DDX50: variants seen among roughly 807,000 people sequenced by gnomAD.
The protein encoded by DDX50 is ATP-dependent RNA helicase DDX50.
DDX50 carries 56 observed loss-of-function variants against 94.8 expected under a neutral mutation model. The observed-to-expected ratio is 0.59, with a 90% CI of 0.48 to 0.74. The LOEUF is 0.74. Ranked by LOEUF, DDX50 falls within the 30% of genes least tolerant of loss-of-function variation. The pLI is 0.00. For missense variants in DDX50, 713 were observed against 881.2 expected (o/e 0.81, Z 2.42); for synonymous variants, 264 against 295.4 (o/e 0.89, Z 1.09).
rs561921429 is a variant in DDX50, at chr10:68,939,974, C to T, written c.1756-1086C>T. Among the ~76,000 whole-genome samples the T allele has an allele frequency of 1.4e-4, 21 of 151,634 alleles. No homozygotes were observed. The South Asian group carries it at 3.5e-3, about 26-fold the overall frequency. ...TACAGTCTGTGGCACATACGTAGGG[C>T]GCACTCAATAAATATTTGTTTGCTG... On this transcript the variant is annotated intron_variant, in intron 12 of 14. Coordinates refer to ENST00000373585, the MANE Select transcript of DDX50 (RefSeq NM_024045.2).
rs762812089 is a variant in DDX50 at position 68,946,413 on chromosome 10, A to C, written c.1997A>C (p.Glu666Ala). Residue 666 changes from glutamate (E) to alanine (A), a missense_variant, in exon 15 of 15, where the codon GAA (glutamate) becomes GCA (alanine). Physicochemically the swap from Glu to Ala is moderately radical, Grantham distance 107. This residue lies in a region of DDX50 where 428 missense variants were observed against 602.3 expected (regional missense o/e 0.71). Coordinates refer to ENST00000373585, the MANE Select transcript of DDX50 (RefSeq NM_024045.2). ...SVPAKLPEIEEYYDGNTSSNS... is the reference protein window; with the variant it reads ...SVPAKLPEIEAYYDGNTSSNS... ...CCAGCCAAATTACCTGAAATTGAAG[A>C]ATATTATGATGGAAACACATCTTCT... is the stretch of plus-strand genomic sequence containing the variant. The C allele has an allele frequency of 1.9e-6, 3 of 1,614,230 alleles. No individual in the cohort carries two copies. The highest frequency in any genetic ancestry group is 2.5e-6 in the Non-Finnish European group (3 of 1,180,034).
At chr10:68,928,936 C>T (rs993135452) in intron 8 of DDX50, among the ~76,000 whole-genome samples, 1 of 151,982 alleles carries the variant, frequency 6.6e-6, no homozygotes, top group South Asian at 2.1e-4. Context: ...TTAAAGTGTC[C>T]CATTTATTTC....
intron 7 of DDX50, among the ~76,000 whole-genome samples, chr10:68,917,352 T>C (rs1841825550): frequency 6.6e-6 from 1 of 151,896 alleles, no homozygotes; most frequent in Non-Finnish European, 1.5e-5. Context: ...CCCAGCTACT[T>C]GGGAGGCTGA....
At chr10:68,901,772 C>G (rs563433492) in intron 1 of DDX50, among the ~76,000 whole-genome samples, 7 of 152,364 alleles carry the variant, frequency 4.6e-5, no homozygotes, top group African/African-American at 1.7e-4. Flanking sequence ...TCTGTTCTTT[C>G]TCTCCTGAAG....
intron 7 of DDX50, among the ~76,000 whole-genome samples, chr10:68,916,353 C>CAAA (rs11420993): frequency 0.066 from 8,085 of 123,248 alleles, 404 homozygotes; most frequent in African/African-American, 0.11. Flanking sequence ...GACTCTGTCT[C>CAAA]AAAAAAAAAA....
chr10:68,916,311 G>A (rs541538123), intron 7 of DDX50, among the ~76,000 whole-genome samples: 10 of 138,684 alleles, frequency 7.2e-5, no homozygotes, highest in East Asian at 2.1e-4. Flanking sequence ...CTGAGATTGC[G>A]CCACTGCACT....
Position 68,930,528 on chromosome 10 carries a change from T to C in DDX50, c.1240-3671T>C, listed in dbSNP as rs535211182. Among the ~76,000 whole-genome samples the C allele has an allele frequency of 2.0e-3, 306 of 150,224 alleles. 1 individual carries two copies. The highest frequency in any genetic ancestry group is 3.2e-3 in the Non-Finnish European group (214 of 67,760). On this transcript the variant is annotated intron_variant, in intron 8 of 14. Transcript: ENST00000373585. ...CTCCCTTGAGTATGTCCTTCCAATT[T>C]CATCAACTAATAGTTCTTGAATTCA...
At chr10:68,914,926 C>G (rs1289610184) in intron 7 of DDX50, among the ~76,000 whole-genome samples, 2 of 150,366 alleles carry the variant, frequency 1.3e-5, no homozygotes, top group South Asian at 2.1e-4. Flanking sequence ...GAGGCTGAGG[C>G]ATGAGAATCA....
In DDX50 at chr10:68,913,462, G is replaced by A; in HGVS notation, c.829G>A (p.Gly277Ser). The A allele has an allele frequency of 6.2e-7, 1 of 1,614,134 alleles. No individual in the cohort carries two copies. The highest frequency in any genetic ancestry group is 8.5e-7 in the Non-Finnish European group (1 of 1,180,020). The change falls in exon 6 of 15, where the codon GGC (glycine) becomes AGC (serine). Residue 277 changes from glycine to serine, a missense_variant. Transcript: ENST00000373585. ...TCGTATCAAAGACCATCTGCAGAGT[G>A]GCCGATTGGATCTTTCTAAACTGCG... ...PGRIKDHLQS[G>S]RLDLSKLRHV...
chr10:68,907,973 G>A (rs1841506351), intron 2 of DDX50, among the ~76,000 whole-genome samples: 1 of 152,122 alleles, frequency 6.6e-6, no homozygotes, highest in Non-Finnish European at 1.5e-5. Context: ...ATGAAGAGGT[G>A]TGCAGAGCTG....
intron 12 of DDX50, among the ~76,000 whole-genome samples, chr10:68,937,550 T>C (rs540676024): frequency 4.0e-5 from 6 of 151,776 alleles, no homozygotes; most frequent in Non-Finnish European, 7.4e-5. Context: ...TAGGAACCAT[T>C]CAATATCTTC....
chr10:68,913,364 A>T lies in DDX50; in HGVS notation c.758-27A>T, dbSNP rs373365826. On this transcript the variant is annotated intron_variant, in intron 5 of 14. Coordinates refer to ENST00000373585, the MANE Select transcript of DDX50 (RefSeq NM_024045.2). ...TAATGTGAAAGTTTGAATTTTACAT[A>T]TTGGTGGCATTTCTCTCTTCTCACA... 3 of 1,605,090 alleles carry T rather than the reference A, an allele frequency of 1.9e-6. No homozygotes were observed. In the African/African-American group the frequency reaches 4.0e-5, roughly 22 times the overall value.
At chr10:68,904,392 G>A (rs528878603) in intron 1 of DDX50, among the ~76,000 whole-genome samples, 26 of 152,272 alleles carry the variant, frequency 1.7e-4, no homozygotes, top group African/African-American at 5.3e-4. Context: ...TATGGAGCTG[G>A]TGCTTAGATT....
intron 8 of DDX50, among the ~76,000 whole-genome samples, chr10:68,933,511 G>A (rs1842325844): frequency 6.6e-6 from 1 of 152,084 alleles, no homozygotes; most frequent in Non-Finnish European, 1.5e-5. Flanking sequence ...TTTATCTATA[G>A]ATGTGGATAG....
At chr10:68,904,872 A>G (rs1218994172) in intron 1 of DDX50, among the ~76,000 whole-genome samples, 1 of 152,260 alleles carries the variant, frequency 6.6e-6, no homozygotes, top group East Asian at 1.9e-4. Flanking sequence ...ATTTTCACAC[A>G]TATTGTTCAA....
intron 8 of DDX50, among the ~76,000 whole-genome samples, chr10:68,932,509 G>A (rs1222099930): frequency 1.3e-5 from 2 of 151,882 alleles, no homozygotes; most frequent in South Asian, 2.1e-4. Context: ...ATCCACCCAC[G>A]TCAGCCTCCC....
intron 8 of DDX50, among the ~76,000 whole-genome samples, chr10:68,924,903 A>G (rs1262884450): frequency 2.0e-5 from 3 of 151,988 alleles, no homozygotes; most frequent in African/African-American, 4.8e-5. Context: ...GCTCCTCACA[A>G]TCACCCTCAA....
chr10:68,909,366 A>T (rs1189327887), intron 2 of DDX50, among the ~76,000 whole-genome samples: 1 of 152,234 alleles, frequency 6.6e-6, no homozygotes, highest in South Asian at 2.1e-4. Flanking sequence ...TGATAATCTC[A>T]TGGTAACTTG....
At chr10:68,931,447 A>ACAC (rs10525578) in intron 8 of DDX50, among the ~76,000 whole-genome samples, 1 of 134,956 alleles carries the variant, frequency 7.4e-6, no homozygotes, top group Non-Finnish European at 1.6e-5. Flanking sequence ...ACACACACAC[A>ACAC]ATTTTTTTTT....
Sources: gnomAD v4.1 joint callset for allele counts (sites outside exome capture counted in the v4.1 genomes callset) on GRCh38, gnomAD v4.1.1 for gene constraint, gnomAD v4.1.1 regional missense constraint, MANE v1.5 for transcripts, NCBI Gene and HGNC (gene_info 2026-07-23, HGNC 2026-07-21) for gene names.